The following SLC9A9 variants were observed in gnomAD, a reference collection of about 807,000 sequenced individuals.
SLC9A9 encodes the protein solute carrier family 9 member A9.
In SLC9A9, 62 loss-of-function variants were observed where a neutral mutation model predicts 77.8. The ratio of observed to expected loss-of-function variants is 0.80; its 90% CI spans 0.65 to 0.98. The LOEUF is 0.98. Ranked by LOEUF, SLC9A9 falls within the 50% of genes least tolerant of loss-of-function variation. SLC9A9 has a pLI of 0.00. For synonymous variants in SLC9A9, 320 were observed against 283.5 expected (o/e 1.13, Z -1.29); for missense variants, 775 against 774.9 (o/e 1.00, Z 0.00).
At chr3:143,500,829 A>G (rs2035911525) in intron 9 of SLC9A9, among the ~76,000 whole-genome samples, 1 of 150,596 alleles carries the variant, frequency 6.6e-6, no homozygotes, top group African/African-American at 2.5e-5. Context: ...TTTATAAAAT[A>G]TCATAAATGC....
rs148589461 is a variant in SLC9A9, at chr3:143,695,621, C to T, written c.534-2314G>A. Among the ~76,000 whole-genome samples the T allele has an allele frequency of 9.4e-3, 1,436 of 152,124 alleles. 28 individuals are homozygous for T. The highest frequency in any genetic ancestry group is 0.032 in the African/African-American group (1,339 of 41,514). Reference sequence around the variant, plus strand: ...TGGGTTGGTTCCAAGTCTTTGCTATCGTGAATAATGCTGTAATAAACATAT... The same window carrying T: ...TGGGTTGGTTCCAAGTCTTTGCTATTGTGAATAATGCTGTAATAAACATAT... On this transcript the variant is annotated intron_variant, in intron 4 of 15. Transcript: ENST00000316549.
chr3:143,275,844 G>C (rs1938031286), intron 14 of SLC9A9, among the ~76,000 whole-genome samples: 1 of 152,074 alleles, frequency 6.6e-6, no homozygotes, highest in Non-Finnish European at 1.5e-5. Flanking sequence ...TCTGTTATAG[G>C]AACTGACCTC....
At chr3:143,606,477 A>G (rs1344369812) in intron 6 of SLC9A9, among the ~76,000 whole-genome samples, 1 of 122,498 alleles carries the variant, frequency 8.2e-6, no homozygotes, top group East Asian at 2.4e-4. Context: ...TAAAACCACT[A>G]TGAAGGGAAG....
At chr3:143,718,373 A>G (rs1934409531) in intron 4 of SLC9A9, among the ~76,000 whole-genome samples, 1 of 151,888 alleles carries the variant, frequency 6.6e-6, no homozygotes, top group Admixed American at 6.5e-5. Flanking sequence ...TTTTCTTTGC[A>G]TACTTGTTTC....
intron 4 of SLC9A9, among the ~76,000 whole-genome samples, chr3:143,787,745 C>A (rs1166470116): frequency 6.6e-6 from 1 of 151,960 alleles, no homozygotes; most frequent in Non-Finnish European, 1.5e-5. Flanking sequence ...CTACAAATAT[C>A]CTTATACATG....
At chr3:143,443,603 T>C (rs2034790256) in intron 12 of SLC9A9, among the ~76,000 whole-genome samples, 1 of 152,130 alleles carries the variant, frequency 6.6e-6, no homozygotes, top group African/African-American at 2.4e-5. Flanking sequence ...TGACTAGCAA[T>C]AGTCTCTTTT....
chr3:143,573,521 C>G (rs2037304348), intron 8 of SLC9A9, among the ~76,000 whole-genome samples: 1 of 152,132 alleles, frequency 6.6e-6, no homozygotes, highest in Admixed American at 6.5e-5. Context: ...GAACTGCCCC[C>G]TTTCTATCAA....
chr3:143,754,276 A>C (rs533240706), intron 4 of SLC9A9, among the ~76,000 whole-genome samples: 5 of 152,318 alleles, frequency 3.3e-5, no homozygotes, highest in African/African-American at 1.2e-4. Context: ...AAAAGTCCCA[A>C]TATGGTAACC....
At chr3:143,645,054 G>T (rs1034947261) in intron 6 of SLC9A9, among the ~76,000 whole-genome samples, 1 of 152,130 alleles carries the variant, frequency 6.6e-6, no homozygotes, top group Non-Finnish European at 1.5e-5. Context: ...TTTCTAACAA[G>T]GCTTTTCAAA....
intron 6 of SLC9A9, among the ~76,000 whole-genome samples, chr3:143,606,552 TGAAA>T (rs2037932776): frequency 6.7e-6 from 1 of 148,872 alleles, no homozygotes; most frequent in Non-Finnish European, 1.5e-5. Flanking sequence ...CAGAACAGCC[TGAAA>T]GATTTTCTAA....
intron 4 of SLC9A9, among the ~76,000 whole-genome samples, chr3:143,709,131 A>AT (rs1424909514): frequency 6.6e-6 from 1 of 152,180 alleles, no homozygotes; most frequent in East Asian, 1.9e-4. Flanking sequence ...AAGTTGGGTA[A>AT]TTTATTGGTG....
At chr3:143,341,300 G>C (rs562998803) in intron 14 of SLC9A9, among the ~76,000 whole-genome samples, 1 of 152,142 alleles carries the variant, frequency 6.6e-6, no homozygotes, top group South Asian at 2.1e-4. Context: ...ACCTGAGATG[G>C]GGTCGGTTTG....
intron 14 of SLC9A9, among the ~76,000 whole-genome samples, chr3:143,299,869 T>C (rs916399533): frequency 1.6e-4 from 24 of 152,216 alleles, no homozygotes; most frequent in African/African-American, 5.1e-4. Flanking sequence ...CTGAGCCTTA[T>C]CCTGGCTTTA....
chr3:143,659,883 G>T (rs1300570878), intron 5 of SLC9A9, among the ~76,000 whole-genome samples: 2 of 152,184 alleles, frequency 1.3e-5, no homozygotes, highest in Non-Finnish European at 2.9e-5. Flanking sequence ...TAAATCATGA[G>T]GAGCTGGTCT....
chr3:143,573,290 T>C (rs979692867), intron 8 of SLC9A9, among the ~76,000 whole-genome samples: 5 of 152,212 alleles, frequency 3.3e-5, no homozygotes, highest in African/African-American at 1.2e-4. Context: ...TCCGTTAAGA[T>C]GTAATGAGCA....
chr3:143,403,788 AATGTGTCTTGAT>A (rs1176144170), intron 12 of SLC9A9, among the ~76,000 whole-genome samples: 1 of 152,168 alleles, frequency 6.6e-6, no homozygotes, highest in Non-Finnish European at 1.5e-5. Context: ...CTTTGAGTAT[AATGTGTCTTGAT>A]ATGGCTTTCG....
intron 12 of SLC9A9, among the ~76,000 whole-genome samples, chr3:143,449,640 AT>A (rs1247352415): frequency 8.3e-5 from 4 of 48,312 alleles, no homozygotes; most frequent in East Asian, 6.3e-4. Flanking sequence ...AAATATAATT[AT>A]ATAATATAAT....
intron 9 of SLC9A9, among the ~76,000 whole-genome samples, chr3:143,547,931 G>A (rs909553675): frequency 3.9e-5 from 6 of 151,954 alleles, no homozygotes; most frequent in East Asian, 1.9e-4. Context: ...TTGTATCCCC[G>A]GTACCTTGAG....
At position 143,688,549 on chromosome 3, in the gene SLC9A9, A is replaced by C. The variant is rs778094867; in HGVS notation, c.649+4643T>G. Among the ~76,000 whole-genome samples the C allele has an allele frequency of 2.0e-5, 3 of 152,226 alleles. 1 individual carries two copies. Among genetic ancestry groups the C allele is most frequent in the South Asian group, 4.2e-4 (2 of 4,814 alleles). ...CAACCTTAACTAGCTAGATAGGCTG[A>C]AAATTTATACTCTTGAGTCCATGCT... On this transcript the variant is annotated intron_variant, in intron 5 of 15. Coordinates refer to ENST00000316549, the MANE Select transcript of SLC9A9 (RefSeq NM_173653.4).
Sources: gnomAD v4.1 joint callset for allele counts (sites outside exome capture counted in the v4.1 genomes callset) on GRCh38, gnomAD v4.1.1 for gene constraint, MANE v1.5 for transcripts, NCBI Gene and HGNC (gene_info 2026-07-23, HGNC 2026-07-21) for gene names.